The following RNF138 variants were observed in gnomAD, a reference collection of about 807,000 sequenced individuals.
The protein encoded by RNF138 is E3 ubiquitin-protein ligase RNF138.
A neutral mutation model predicts 31.0 loss-of-function variants in RNF138; 12 were observed. The ratio of observed to expected loss-of-function variants is 0.39; its 90% confidence interval spans 0.25 to 0.63. The LOEUF is 0.63. Among genes scored for constraint, RNF138 ranks in the 20% least tolerant of loss-of-function variants. The pLI, the probability that RNF138 is intolerant of heterozygous loss-of-function variation, is 0.52. For synonymous variants in RNF138, 105 were observed against 99.5 expected (o/e 1.06, Z -0.33); for missense variants, 192 against 300.1 (o/e 0.64, Z 2.66).
chr18:32,097,974 GTGT>G (rs35497913), intron 2 of RNF138, among the ~76,000 whole-genome samples: 21,944 of 71,080 alleles, frequency 0.31, 1,711 homozygotes, highest in East Asian at 0.52. Context: ...GTGTGTGTGT[GTGT>G]TATTTTTGTT....
At chr18:32,121,110 G>A (rs1052658442) in intron 4 of RNF138, among the ~76,000 whole-genome samples, 1 of 150,350 alleles carries the variant, frequency 6.7e-6, no homozygotes, top group Non-Finnish European at 1.5e-5. Flanking sequence ...ACTCCAGCCT[G>A]GGAGACAAGA....
At chr18:32,099,384 G>A (rs2039876647) in intron 2 of RNF138, among the ~76,000 whole-genome samples, 1 of 152,040 alleles carries the variant, frequency 6.6e-6, no homozygotes, top group South Asian at 2.1e-4. Context: ...TAAAATTGGA[G>A]ATAAGAGACC....
intron 5 of RNF138, chr18:32,124,160 A>G (rs1352762908): frequency 6.5e-6 from 1 of 152,796 alleles, no homozygotes; most frequent in Non-Finnish European, 1.5e-5. Flanking sequence ...CCTTCCTGAA[A>G]TTCAGAAGTA....
At chr18:32,093,198 CT>C (rs999017939) in intron 2 of RNF138, among the ~76,000 whole-genome samples, 3 of 152,170 alleles carry the variant, frequency 2.0e-5, no homozygotes, top group African/African-American at 7.2e-5. Flanking sequence ...CCTGCGGCGT[CT>C]TCAGGCCCCG....
rs115681281 is a variant in RNF138 at position 32,122,845 on chromosome 18, A to C, written c.393-673A>C. Among the ~76,000 whole-genome samples the C allele has an allele frequency of 1.0e-2, 1,516 of 152,228 alleles. 23 individuals are homozygous for C. The highest frequency in any genetic ancestry group is 0.033 in the African/African-American group (1,382 of 41,506). On this transcript the variant is annotated intron_variant, in intron 4 of 7. Transcript: ENST00000261593. ...GCTCAAAAACTAACTAACTAACTAA[A>C]TAAATAAAATTGACCACATTGATCA...
chr18:32,095,582 C>T (rs896542445), intron 2 of RNF138, among the ~76,000 whole-genome samples: 1 of 152,068 alleles, frequency 6.6e-6, no homozygotes. Context: ...ATTTTTGATT[C>T]ACGAATAGAG....
chr18:32,110,190 G>A (rs2144593383), intron 2 of RNF138, among the ~76,000 whole-genome samples: 1 of 152,114 alleles, frequency 6.6e-6, no homozygotes, highest in South Asian at 2.1e-4. Context: ...ACAGGGTCTT[G>A]CTATGTTGCC....
intron 2 of RNF138, among the ~76,000 whole-genome samples, chr18:32,103,827 G>A (rs1241687002): frequency 4.1e-5 from 6 of 146,356 alleles, no homozygotes; most frequent in East Asian, 2.1e-4. Context: ...TTAGCCGGGC[G>A]CGGTGGCGGG....
At chr18:32,109,735 A>T (rs1483966722) in intron 2 of RNF138, among the ~76,000 whole-genome samples, 1 of 152,042 alleles carries the variant, frequency 6.6e-6, no homozygotes, top group African/African-American at 2.4e-5. Flanking sequence ...AAAAGTACAA[A>T]AATTAGCCGT....
chr18:32,098,268 A>G (rs1241716836), intron 2 of RNF138, among the ~76,000 whole-genome samples: 1 of 152,006 alleles, frequency 6.6e-6, no homozygotes. Context: ...GGCCTCCCAA[A>G]GTGCTAGGAT....
intron 2 of RNF138, among the ~76,000 whole-genome samples, chr18:32,110,938 G>A (rs1426201002): frequency 2.6e-5 from 4 of 151,930 alleles, no homozygotes; most frequent in Non-Finnish European, 5.9e-5. Context: ...CTGTCACCAC[G>A]CCCGGCTAAT....
chr18:32,123,519 A>C lies in RNF138; in HGVS notation c.394A>C (p.Asn132His). 1.3e-6 allele frequency: 2 copies of C among 1,581,552 alleles called. No individual in the cohort carries two copies. Among genetic ancestry groups the C allele is most frequent in the Non-Finnish European group, 8.6e-7 (1 of 1,165,604 alleles). The change falls in exon 5 of 8, where the codon AAT (asparagine) becomes CAT (histidine). Residue 132 changes from asparagine to histidine, a missense_variant and splice_region_variant. Physicochemically the swap from Asn to His is moderately conservative, Grantham distance 68. Transcript: ENST00000261593. ...QISQDSVGNS[N>H]RSETSTSDNT... is the part of the protein sequence containing the mutation. ...ACTTTTTCCCCTGTGCTTCTTAAGC[A>C]ATAGGAGTGAAACATCCACATCTGA...
chr18:32,124,683 A>G, intron 5 of RNF138, 51 bp from the exon 6 acceptor site: 1 of 906,902 alleles, frequency 1.1e-6, no homozygotes, highest in Non-Finnish European at 1.8e-6. Flanking sequence ...GGAGAGCGTT[A>G]TTTTTGTGTT....
At chr18:32,115,881 C>T (rs999938217) in intron 4 of RNF138, among the ~76,000 whole-genome samples, 9 of 152,174 alleles carry the variant, frequency 5.9e-5, no homozygotes, top group Admixed American at 1.3e-4. Context: ...ATGCCTTAGC[C>T]ATGTTGATTT....
Position 32,124,780 on chromosome 18 carries a change from A to T in RNF138, c.496A>T (p.Asn166Tyr). ...TFKCPLCQES[N>Y]FTRQRLLDHC... ...TAAGTGTCCCCTGTGTCAAGAATCA[A>T]ATTTTACCAGACAGCGTTTACTGGA... is the stretch of plus-strand genomic sequence containing the variant. The change falls in exon 6 of 8, where the codon AAT (asparagine) becomes TAT (tyrosine). Residue 166 changes from asparagine to tyrosine, a missense_variant. Around this residue, in one of 2 missense-constraint regions of RNF138, gnomAD observed 140 missense variants for 251.7 expected, o/e 0.56. Transcript: ENST00000261593. 6.2e-7 allele frequency: 1 copy of T among 1,607,432 alleles called. No individual in the cohort carries two copies. The highest frequency in any genetic ancestry group is 8.5e-7 in the Non-Finnish European group (1 of 1,174,082).
chr18:32,113,201 G>A (rs1433862302), intron 3 of RNF138, among the ~76,000 whole-genome samples: 2 of 152,036 alleles, frequency 1.3e-5, no homozygotes, highest in Non-Finnish European at 2.9e-5. Flanking sequence ...AGCCCCACAG[G>A]TAGCTGAGAT....
rs556246041 is a variant in RNF138, at chr18:32,125,801, A to G, written c.562-892A>G. ...AAGAAAATAAAAAGAATATGCTTCA[A>G]TAACCATTGAGGATGACCTTAAGCT... On this transcript the variant is annotated intron_variant, in intron 6 of 7. Coordinates refer to ENST00000261593, the MANE Select transcript of RNF138 (RefSeq NM_016271.5). Among the ~76,000 whole-genome samples the G allele has an allele frequency of 4.6e-5, 7 of 152,262 alleles. No homozygotes were observed. The South Asian group carries it at 8.3e-4, about 18-fold the overall frequency.
chr18:32,118,784 G>A (rs189300634), intron 4 of RNF138, among the ~76,000 whole-genome samples: 6 of 152,002 alleles, frequency 3.9e-5, no homozygotes, highest in South Asian at 2.1e-4. Flanking sequence ...AGTCGGGATC[G>A]TGCCACTAAC....
At position 32,129,855 on chromosome 18, in the gene RNF138, G is replaced by A. The variant is rs556722598; in HGVS notation, c.*668G>A. 1.3e-5 allele frequency: 2 copies of A among 152,402 alleles called. No individual in the cohort carries two copies. Among genetic ancestry groups the A allele is most frequent in the Non-Finnish European group, 2.9e-5 (2 of 67,914 alleles). The allele number at this position is 152,402 out of a possible 1,614,324, so 9.4% of individuals were successfully genotyped here. ...AAAGAGAAAAATTTCTTTCTTTCAT[G>A]GGCATTTGATAATTTCAGTCTTTGA... On this transcript the variant is annotated 3_prime_UTR_variant, in exon 8 of 8. Transcript: ENST00000261593.
Sources: gnomAD v4.1 joint callset for allele counts (sites outside exome capture counted in the v4.1 genomes callset) on GRCh38, gnomAD v4.1.1 for gene constraint, gnomAD v4.1.1 regional missense constraint, MANE v1.5 for transcripts, NCBI Gene and HGNC (gene_info 2026-07-23, HGNC 2026-07-21) for gene names.